NRG2: variants seen among roughly 807,000 people sequenced by gnomAD.
The protein encoded by NRG2 is pro-neuregulin-2, membrane-bound isoform.
Under a neutral mutation model 73.9 loss-of-function variants are expected in NRG2, and 27 were observed. The ratio of observed to expected loss-of-function variants is 0.37; its 90% CI spans 0.27 to 0.50. The LOEUF is 0.50. Ranked by LOEUF, NRG2 falls within the 20% of genes least tolerant of loss-of-function variation. The pLI is 0.96. For synonymous variants in NRG2, 532 were observed against 541.0 expected (o/e 0.98, Z 0.23); for missense variants, 1,126 against 1,210.1 (o/e 0.93, Z 1.03).
rs185515326 is a variant in NRG2 at position 139,964,013 on chromosome 5, G to C, written c.701-76502C>G. ...AACAAGAGAAAAAAAAGGGGGCTCT[G>C]TTCCATGAACTGTAACATCTCTCTC... is the stretch of plus-strand genomic sequence containing the variant. On this transcript the variant is annotated intron_variant, in intron 1 of 9. Coordinates refer to ENST00000361474, the MANE Select transcript of NRG2 (RefSeq NM_004883.3). 1.4e-3 allele frequency among the ~76,000 whole-genome samples: 207 copies of C among 152,248 alleles called. 1 individual carries two copies. Among genetic ancestry groups the C allele is most frequent in the African/African-American group, 4.8e-3 (201 of 41,546 alleles).
intron 1 of NRG2, among the ~76,000 whole-genome samples, chr5:139,899,308 C>T (rs2127163584): frequency 6.6e-6 from 1 of 152,324 alleles, no homozygotes; most frequent in East Asian, 1.9e-4. Context: ...ATTACTGGCC[C>T]CCATCCCCAT....
Position 139,865,243 on chromosome 5 carries a change from A to G in NRG2, c.1189+306T>C. ...GACACAGGCATTGCAACACCCCGGCACGGGCTCCTGCCAATGCCAGCTGGG... is the reference window on the plus strand; with the variant it reads ...GACACAGGCATTGCAACACCCCGGCGCGGGCTCCTGCCAATGCCAGCTGGG... On this transcript the variant is annotated intron_variant, in intron 5 of 9. Transcript: ENST00000361474. This position sits in a 1 kb window ranked among gnomAD's most constrained non-coding sequence, Gnocchi z 5.2. 1 of 1,314,508 alleles carries G rather than the reference A, an allele frequency of 7.6e-7. No homozygotes were observed. The highest frequency in any genetic ancestry group is 1.1e-6 in the Non-Finnish European group (1 of 913,998). 81.4% of individuals were successfully genotyped at this position (1,314,508 alleles called of 1,614,324 possible). A position where few individuals can be genotyped will look rare whatever the true frequency, so the allele number is the denominator to read the frequency against.
intron 1 of NRG2, among the ~76,000 whole-genome samples, chr5:140,011,030 A>T (rs1323169442): frequency 3.3e-5 from 5 of 152,232 alleles, no homozygotes; most frequent in African/African-American, 1.2e-4. Flanking sequence ...TTTGTCCTGC[A>T]TACAGCTGTC....
intron 1 of NRG2, among the ~76,000 whole-genome samples, chr5:140,011,955 A>G (rs530343021): frequency 2.6e-5 from 4 of 152,218 alleles, no homozygotes; most frequent in African/African-American, 9.6e-5. Context: ...CCCATTGCAC[A>G]TGGGATGAAT....
At position 139,904,182 on chromosome 5, in the gene NRG2, G is replaced by C. The variant is rs1163665713; in HGVS notation, c.701-16671C>G. The stretch of plus-strand genomic sequence containing the variant: ...CTCGCACGCAGGCACGCGCGCCCTC[G>C]GTGCCTGTCACCGCGGCGGCCGCTA... On this transcript the variant is annotated intron_variant, in intron 1 of 9. Transcript: ENST00000361474. The surrounding 1 kb of genome is among the most constrained non-coding windows in gnomAD (Gnocchi z 6.0). 2 of 975,386 alleles carry C rather than the reference G, an allele frequency of 2.1e-6. No homozygotes were observed. Among genetic ancestry groups the C allele is most frequent in the Non-Finnish European group, 2.7e-6 (2 of 734,032 alleles). 60.4% of individuals were successfully genotyped at this position (975,386 alleles called of 1,614,324 possible). A position where few individuals can be genotyped will look rare whatever the true frequency, so the allele number is the denominator to read the frequency against.
chr5:139,907,596 C>T (rs1346558945), intron 1 of NRG2, among the ~76,000 whole-genome samples: 3 of 152,168 alleles, frequency 2.0e-5, no homozygotes, highest in South Asian at 4.1e-4. Flanking sequence ...GGGTAGCTCT[C>T]CCAGCAGTCC....
At chr5:139,909,061 G>A (rs1404625336) in intron 1 of NRG2, among the ~76,000 whole-genome samples, 1 of 152,168 alleles carries the variant, frequency 6.6e-6, no homozygotes, top group Non-Finnish European at 1.5e-5. Context: ...CAGGGCTTGG[G>A]GATGGGCCCA....
chr5:140,000,702 A>C (rs1438927554), intron 1 of NRG2, among the ~76,000 whole-genome samples: 1 of 152,110 alleles, frequency 6.6e-6, no homozygotes, highest in African/African-American at 2.4e-5. Context: ...TTCCCCAGGC[A>C]CCACACCTCC....
intron 1 of NRG2, among the ~76,000 whole-genome samples, chr5:139,948,150 T>A (rs1047568352): frequency 9.9e-5 from 15 of 152,188 alleles, no homozygotes; most frequent in African/African-American, 3.6e-4. Flanking sequence ...GCACCTCATA[T>A]CAATAGAATT....
rs1763968429 is a variant in NRG2, at chr5:139,887,806, T to C, written c.701-295A>G. Among the ~76,000 whole-genome samples the C allele has an allele frequency of 6.6e-6, 1 of 152,108 alleles. No individual in the cohort carries two copies. Among genetic ancestry groups the C allele is most frequent in the Admixed American group, 6.5e-5 (1 of 15,270 alleles). ...CAGTAACCCCATGAGCTCACAGCAA[T>C]GGTTAAACCCACTTACAGATGGGGA... On this transcript the variant is annotated intron_variant, in intron 1 of 9. Coordinates refer to ENST00000361474, the MANE Select transcript of NRG2 (RefSeq NM_004883.3). This position sits in a 1 kb window ranked among gnomAD's most constrained non-coding sequence, Gnocchi z 4.5.
chr5:139,947,101 G>A (rs1753851218), intron 1 of NRG2, among the ~76,000 whole-genome samples: 2 of 151,874 alleles, frequency 1.3e-5, no homozygotes, highest in African/African-American at 4.8e-5. Flanking sequence ...AGGTATGTTC[G>A]CATACCATAC....
At chr5:139,962,830 G>A (rs1382478032) in intron 1 of NRG2, among the ~76,000 whole-genome samples, 2 of 152,292 alleles carry the variant, frequency 1.3e-5, no homozygotes, top group Non-Finnish European at 1.5e-5. Context: ...GTCCTCAAGA[G>A]GTTGCCTACT....
chr5:140,001,766 G>A (rs1473962339), intron 1 of NRG2, among the ~76,000 whole-genome samples: 1 of 152,106 alleles, frequency 6.6e-6, no homozygotes, highest in African/African-American at 2.4e-5. Context: ...GGGAGGCTGA[G>A]GCTGTAGGAT....
chr5:139,867,801 A>AGTGTGT (rs1202470798), intron 4 of NRG2, among the ~76,000 whole-genome samples: 1,049 of 79,496 alleles, frequency 0.013, 8 homozygotes, highest in South Asian at 0.033. Context: ...TGTGTGTATG[A>AGTGTGT]GTGTGTGTGT....
At chr5:140,016,402 T>C (rs1759782274) in intron 1 of NRG2, among the ~76,000 whole-genome samples, 1 of 152,204 alleles carries the variant, frequency 6.6e-6, no homozygotes, top group Non-Finnish European at 1.5e-5. Flanking sequence ...ATCAATAGTT[T>C]GGGAACATAG....
rs961295191 is a variant in NRG2, at chr5:139,884,635, AT to A, written c.872+2704del. ...CAAACAAACTGGGTACATAAGCCAC[AT>A]TTTTTTTTCCTGAAGAAAAGGACAA... On this transcript the variant is annotated intron_variant, in intron 2 of 9. Coordinates refer to ENST00000361474, the MANE Select transcript of NRG2 (RefSeq NM_004883.3). Among the ~76,000 whole-genome samples, 188 of 151,632 alleles carry A rather than the reference AT, an allele frequency of 1.2e-3. 1 individual carries two copies. Among genetic ancestry groups the A allele is most frequent in the African/African-American group, 4.3e-3 (179 of 41,340 alleles).
At chr5:139,931,617 T>C (rs190939181) in intron 1 of NRG2, among the ~76,000 whole-genome samples, 3 of 152,362 alleles carry the variant, frequency 2.0e-5, no homozygotes, top group Non-Finnish European at 4.4e-5. Context: ...TCAAAGGATT[T>C]ATTATAAATA....
intron 9 of NRG2, among the ~76,000 whole-genome samples, chr5:139,850,695 G>C (rs970561112): frequency 7.2e-5 from 11 of 152,204 alleles, no homozygotes; most frequent in African/African-American, 2.2e-4. Flanking sequence ...CAGGGGTGCT[G>C]GCCCTTGACT....
intron 1 of NRG2, among the ~76,000 whole-genome samples, chr5:139,947,459 A>G (rs1336468353): frequency 6.6e-6 from 1 of 152,196 alleles, no homozygotes; most frequent in Non-Finnish European, 1.5e-5. Flanking sequence ...GATATACCAC[A>G]TTTTATTAAT....
Sources: allele counts gnomAD v4.1 joint callset (sites outside exome capture counted in the v4.1 genomes callset), GRCh38; gene constraint gnomAD v4.1.1; non-coding constraint Gnocchi (gnomAD v3.1); transcripts MANE v1.5; gene names NCBI Gene and HGNC (gene_info 2026-07-23, HGNC 2026-07-21).